The following CD226 variants were observed in gnomAD, a reference collection of about 807,000 sequenced individuals.
The protein encoded by CD226 is CD226 molecule, also known as CD226 antigen.
A neutral mutation model predicts 34.9 loss-of-function variants in CD226; 24 were observed. The ratio of observed to expected loss-of-function variants is 0.69; its 90% confidence interval spans 0.50 to 0.97. The LOEUF (loss-of-function observed/expected upper bound fraction) is 0.97, where lower values mean the gene tolerates loss of function less well. Ranked by LOEUF, CD226 falls within the 50% of genes least tolerant of loss-of-function variation. The pLI is 0.00. For synonymous variants in CD226, 148 were observed against 147.4 expected (o/e 1.00, Z -0.03); for missense variants, 397 against 412.7 (o/e 0.96, Z 0.33).
chr18:69,949,751 C>T (rs2055832261), upstream of CD226, among the ~76,000 whole-genome samples: 2 of 151,788 alleles, frequency 1.3e-5, no homozygotes, highest in African/African-American at 4.8e-5. Context: ...CATGCACCCA[C>T]ATACACATGC....
chr18:69,883,405 G>C (rs751471699), intron 3 of CD226, among the ~76,000 whole-genome samples: 1 of 152,120 alleles, frequency 6.6e-6, no homozygotes, highest in Non-Finnish European at 1.5e-5. Flanking sequence ...AAACATACAA[G>C]AGTATAATGG....
At chr18:69,870,637 C>T (rs1177082384) in intron 4 of CD226, among the ~76,000 whole-genome samples, 1 of 152,128 alleles carries the variant, frequency 6.6e-6, no homozygotes, top group Non-Finnish European at 1.5e-5. Context: ...GTCACTTAGT[C>T]GTGTTACTGT....
upstream of CD226, among the ~76,000 whole-genome samples, chr18:69,948,541 T>C (rs540785519): frequency 6.6e-6 from 1 of 152,306 alleles, no homozygotes; most frequent in East Asian, 1.9e-4. Flanking sequence ...GAATATCTAA[T>C]GTGGGAACTT....
At chr18:69,928,948 G>C (rs769302038) in intron 2 of CD226, among the ~76,000 whole-genome samples, 4 of 152,214 alleles carry the variant, frequency 2.6e-5, no homozygotes, top group Non-Finnish European at 4.4e-5. Flanking sequence ...AAGGTATGCA[G>C]GGACCAAGCC....
chr18:69,893,049 A>G (rs1490786728), intron 3 of CD226, among the ~76,000 whole-genome samples: 3 of 152,194 alleles, frequency 2.0e-5, no homozygotes, highest in Non-Finnish European at 2.9e-5. Flanking sequence ...AACACAAATG[A>G]TCTGTTTTGC....
Position 69,946,734 on chromosome 18 carries a change from C to T in CD226, c.382G>A (p.Asp128Asn). ...AAAAAAAAAAAAAACTTGCCCTTACCTGACTGAACCACCTGTATCACCTTC... is the reference window on the plus strand; with the variant it reads ...AAAAAAAAAAAAAACTTGCCCTTACTTGACTGAACCACCTGTATCACCTTC... Reference protein sequence around the residue: ...WQKVIQVVQSDSFEAAVPSNS... With the variant: ...WQKVIQVVQSNSFEAAVPSNS... The change falls in exon 2 of 6, where the codon GAT (aspartate) becomes AAT (asparagine). Residue 128 changes from aspartate to asparagine, a missense_variant and splice_region_variant. Physicochemically the swap from Asp to Asn is conservative, Grantham distance 23. Transcript: ENST00000582621. 1 of 1,597,630 alleles carries T rather than the reference C, an allele frequency of 6.3e-7. No homozygotes were observed. Among genetic ancestry groups the T allele is most frequent in the Non-Finnish European group, 8.5e-7 (1 of 1,172,132 alleles).
chr18:69,896,116 T>A (rs1326847750), intron 2 of CD226, 71 bp from the exon 3 acceptor site: 25 of 1,501,944 alleles, frequency 1.7e-5, no homozygotes, highest in Non-Finnish European at 2.0e-5. Context: ...AGATACTTAA[T>A]CATAAAAATA....
At chr18:69,882,095 T>G (rs918307168) in intron 3 of CD226, among the ~76,000 whole-genome samples, 1 of 152,244 alleles carries the variant, frequency 6.6e-6, no homozygotes, top group Non-Finnish European at 1.5e-5. Flanking sequence ...AAAAGTATTA[T>G]CAGGTTTTAA....
Position 69,856,421 on chromosome 18 carries a change from G to C in CD226, c.*7893C>G, listed in dbSNP as rs532211752. On this transcript the variant is annotated 3_prime_UTR_variant, in exon 6 of 6. Transcript: ENST00000582621. ...GATCAAGAAGAGGGAAAATCAGAAA[G>C]GATATAGATAATCTGAACGGTGGTA... 6.6e-6 allele frequency: 1 copy of C among 152,120 alleles called. No individual in the cohort carries two copies. Among genetic ancestry groups the C allele is most frequent in the African/African-American group, 2.4e-5 (1 of 41,418 alleles). 9.4% of individuals were successfully genotyped at this position (152,120 alleles called of 1,614,324 possible). A position where few individuals can be genotyped will look rare whatever the true frequency, so the allele number is the denominator to read the frequency against.
In CD226 at chr18:69,859,969, G is replaced by T. The variant is rs1029626706; in HGVS notation, c.*4345C>A. 18 of 152,236 alleles carry T rather than the reference G, an allele frequency of 1.2e-4. No individual in the cohort carries two copies. The highest frequency in any genetic ancestry group is 2.2e-4 in the Non-Finnish European group (15 of 68,074). 9.4% of individuals were successfully genotyped at this position (152,236 alleles called of 1,614,324 possible). ...TGCCTGTAATCCCAGCTATTCAGGAGGCTGAGGCAGGAGAATCACTTGAAT... is the reference window on the plus strand; with the variant it reads ...TGCCTGTAATCCCAGCTATTCAGGATGCTGAGGCAGGAGAATCACTTGAAT... On this transcript the variant is annotated 3_prime_UTR_variant, in exon 6 of 6. Transcript: ENST00000582621.
upstream of CD226, among the ~76,000 whole-genome samples, chr18:69,952,239 T>C (rs1330587682): frequency 6.6e-6 from 1 of 152,102 alleles, no homozygotes; most frequent in Non-Finnish European, 1.5e-5. Flanking sequence ...CCCATGGACA[T>C]ACAGTATGCA....
At chr18:69,922,294 T>C (rs988916494) in intron 2 of CD226, among the ~76,000 whole-genome samples, 1 of 152,232 alleles carries the variant, frequency 6.6e-6, no homozygotes, top group African/African-American at 2.4e-5. Context: ...CGTTTGTTTA[T>C]TTTTTGAGAT....
intron 2 of CD226, among the ~76,000 whole-genome samples, chr18:69,905,873 C>T (rs1180471195): frequency 6.6e-6 from 1 of 152,146 alleles, no homozygotes; most frequent in African/African-American, 2.4e-5. Flanking sequence ...AGCTATTGCC[C>T]GACGGTGCTC....
intron 3 of CD226, among the ~76,000 whole-genome samples, chr18:69,873,948 T>C (rs1983704613): frequency 1.3e-5 from 2 of 152,132 alleles, no homozygotes; most frequent in East Asian, 3.8e-4. Flanking sequence ...TACAACAGAA[T>C]ATAACTCTGA....
Position 69,947,795 on chromosome 18 carries a change from G to A in CD226, c.-389C>T, listed in dbSNP as rs565955627. 1.9e-5 allele frequency: 3 copies of A among 158,138 alleles called. No individual in the cohort carries two copies. The highest frequency in any genetic ancestry group is 7.2e-5 in the African/African-American group (3 of 41,766). The allele number at this position is 158,138 out of a possible 1,614,324, so 9.8% of individuals were successfully genotyped here. A position where few individuals can be genotyped will look rare whatever the true frequency, so the allele number is the denominator to read the frequency against. On this transcript the variant is annotated 5_prime_UTR_variant, in exon 1 of 6. Transcript: ENST00000582621. ...AGAACTTACATTCTATGTGGAGGAG[G>A]CAGAAACTAAAATAAAGATGTAAAA...
chr18:69,906,291 A>G (rs2055252011), intron 2 of CD226, among the ~76,000 whole-genome samples: 1 of 152,278 alleles, frequency 6.6e-6, no homozygotes, highest in African/African-American at 2.4e-5. Flanking sequence ...AAGATGTAAT[A>G]AAATTAAGTT....
intron 2 of CD226, among the ~76,000 whole-genome samples, chr18:69,924,748 A>C (rs1221023142): frequency 6.6e-6 from 1 of 151,646 alleles, no homozygotes; most frequent in Non-Finnish European, 1.5e-5. Flanking sequence ...CAAAGCCCAG[A>C]GGTACAAATA....
chr18:69,910,693 T>C (rs141017229), intron 2 of CD226, among the ~76,000 whole-genome samples: 1 of 152,340 alleles, frequency 6.6e-6, no homozygotes, highest in East Asian at 1.9e-4. Context: ...TCAGTTTCTT[T>C]GGTTTAACAA....
At chr18:69,953,936 G>A (rs2055875107) in intron 1 of CD226, among the ~76,000 whole-genome samples, 1 of 151,254 alleles carries the variant, frequency 6.6e-6, no homozygotes, top group Admixed American at 6.6e-5. Flanking sequence ...GGAGGTGGAG[G>A]TTGCAGTGAG....
Sources: allele counts gnomAD v4.1 joint callset (sites outside exome capture counted in the v4.1 genomes callset), GRCh38; gene constraint gnomAD v4.1.1; transcripts MANE v1.5; gene names NCBI Gene and HGNC (gene_info 2026-07-23, HGNC 2026-07-21).